TSPAN4: variants seen among roughly 807,000 people sequenced by gnomAD.
The protein encoded by TSPAN4 is tetraspanin-4.
Under a neutral mutation model 31.5 loss-of-function variants are expected in TSPAN4, and 38 were observed. The ratio of observed to expected loss-of-function variants is 1.21; its 90% CI spans 0.93 to 1.58. TSPAN4 has a LOEUF of 1.58. Ranked by LOEUF, TSPAN4 falls within the 40% of genes most tolerant of loss-of-function variation. The pLI is 0.00. For missense variants in TSPAN4, 330 were observed against 317.3 expected, an observed-to-expected ratio of 1.04 and a Z score of -0.30; for synonymous variants, 186 against 144.6, an observed-to-expected ratio of 1.29 and a Z score of -2.06.
intron 1 of TSPAN4, among the ~76,000 whole-genome samples, chr11:846,301 T>C (rs1590221171): frequency 6.6e-6 from 1 of 152,302 alleles, no homozygotes; most frequent in South Asian, 2.1e-4. Context: ...CCTCTTTGGG[T>C]TGGACCTCCG....
rs574521535 is a variant in TSPAN4, at chr11:865,815, G to A, written c.554G>A (p.Trp185Ter). Residue 185 changes from tryptophan (W) to a stop codon, truncating the protein, a stop_gained, in exon 7 of 9, where the codon TGG becomes TAG. Transcript: ENST00000397397. LOFTEE classifies it high-confidence loss of function. Reference sequence around the variant, plus strand: ...TGTGGGCTGCACGCCCCCGGCACCTGGTGGAAGGCGGTGAGTGAGACCCCC... The same window carrying A: ...TGTGGGCTGCACGCCCCCGGCACCTAGTGGAAGGCGGTGAGTGAGACCCCC... Reference protein sequence around the residue: ...ESCGLHAPGTWWKAPCYETVK... With the variant: ...ESCGLHAPGT 1 of 1,612,228 alleles carries A rather than the reference G, an allele frequency of 6.2e-7. No homozygotes were observed. The highest frequency in any genetic ancestry group is 8.5e-7 in the Non-Finnish European group (1 of 1,179,610).
chr11:850,460 G>T (rs1005286174), intron 3 of TSPAN4, 93 bp downstream of exon 3: 1 of 1,123,628 alleles, frequency 8.9e-7, no homozygotes. Flanking sequence ...TCGCTGCCCC[G>T]GCCAGGCGTT....
intron 2 of TSPAN4, among the ~76,000 whole-genome samples, chr11:847,826 G>A (rs935629168): frequency 5.9e-5 from 9 of 152,044 alleles, no homozygotes; most frequent in African/African-American, 1.7e-4. Context: ...CCTCCCACCC[G>A]CCTGGGACCC....
chr11:862,185 G>T (rs1248899529), intron 3 of TSPAN4: 2 of 231,490 alleles, frequency 8.6e-6, no homozygotes, highest in Admixed American at 1.1e-4. Context: ...CAGACCAGAC[G>T]GTGAAGCGGG....
At position 862,715 on chromosome 11, in the gene TSPAN4, AAGG is replaced by A. The variant is rs562370781; in HGVS notation, c.232_234del (p.Glu78del). 2.4e-3 allele frequency: 3,791 copies of A among 1,612,420 alleles called. 14 individuals carry two copies. Among genetic ancestry groups the A allele is most frequent in the Non-Finnish European group, 2.9e-3 (3,423 of 1,179,486 alleles). On this transcript the variant is annotated inframe_deletion, in exon 4 of 9. Transcript: ENST00000397397. ...CTTCGTGGGCTGCCTGGGTGCCATC[AAGG>A]AGAACAAGTGCCTCCTGCTCACTGT...
chr11:862,789 G>A (rs1333808832), intron 4 of TSPAN4, 48 bp downstream of exon 4: 4 of 1,534,998 alleles, frequency 2.6e-6, no homozygotes, highest in East Asian at 2.4e-5. Context: ...CACGCAGGGT[G>A]GGGCTCCGGT....
At chr11:863,334 C>T (rs1287967003) in intron 4 of TSPAN4, 7 of 152,284 alleles carry the variant, frequency 4.6e-5, no homozygotes, top group South Asian at 2.1e-4. Context: ...TGGCCGAGGC[C>T]GTGGGCCCTG....
At chr11:862,899 T>C (rs2134058932) in intron 4 of TSPAN4, 158 bp downstream of exon 4, 2 of 756,828 alleles carry the variant, frequency 2.6e-6, no homozygotes, top group East Asian at 2.8e-5. Flanking sequence ...CCCTGGCCAC[T>C]GTTGGGTCTT....
At chr11:861,572 C>T (rs1202999782) in intron 3 of TSPAN4, among the ~76,000 whole-genome samples, 3 of 152,064 alleles carry the variant, frequency 2.0e-5, no homozygotes, top group Admixed American at 6.5e-5. Flanking sequence ...ATTAGCTGGG[C>T]GTGGTGGCGG....
rs76376700 is a variant in TSPAN4, at chr11:856,206, G to T, written c.63+5839G>T. ...CGAGCCTCTTGGGTGGGTGCTGAGGGACGGCCCTCCAAGCCTTTTGGGCTC... is the reference window on the plus strand; with the variant it reads ...CGAGCCTCTTGGGTGGGTGCTGAGGTACGGCCCTCCAAGCCTTTTGGGCTC... On this transcript the variant is annotated intron_variant, in intron 3 of 8. Coordinates refer to ENST00000397397, the MANE Select transcript of TSPAN4 (RefSeq NM_003271.5). Among the ~76,000 whole-genome samples the T allele has an allele frequency of 4.6e-5, 7 of 151,676 alleles. No homozygotes were observed. The East Asian group carries it at 1.4e-3, about 30-fold the overall frequency.
At chr11:861,049 G>A (rs187812292) in intron 3 of TSPAN4, among the ~76,000 whole-genome samples, 6 of 152,296 alleles carry the variant, frequency 3.9e-5, no homozygotes, top group Admixed American at 1.3e-4. Flanking sequence ...GCCCAAGCCC[G>A]AGGCCTCTGT....
chr11:850,214 G>C, intron 2 of TSPAN4, 74 bp from the exon 3 acceptor site: 1 of 1,297,334 alleles, frequency 7.7e-7, no homozygotes, highest in Non-Finnish European at 1.1e-6. Flanking sequence ...AGGCGGCCCA[G>C]GCGCGCTACA....
rs766344742 is a variant in TSPAN4 at position 850,240 on chromosome 11, A to G, written c.-17-48A>G. 7 of 1,482,134 alleles carry G rather than the reference A, an allele frequency of 4.7e-6. No individual in the cohort carries two copies. The South Asian group carries it at 8.4e-5, about 18-fold the overall frequency. The allele number at this position is 1,482,134 out of a possible 1,614,324, so 91.8% of individuals were successfully genotyped here. A position where few individuals can be genotyped will look rare whatever the true frequency, so the allele number is the denominator to read the frequency against. On this transcript the variant is annotated intron_variant, in intron 2 of 8. Coordinates refer to ENST00000397397, the MANE Select transcript of TSPAN4 (RefSeq NM_003271.5). ...GCGCGCTACACGTCGCCCAAGGGCA[A>G]CAAGTACGTGGTTTTCTACCTGGAC...
intron 3 of TSPAN4, among the ~76,000 whole-genome samples, chr11:854,106 G>A (rs1418444632): frequency 2.0e-5 from 3 of 152,208 alleles, no homozygotes; most frequent in Non-Finnish European, 4.4e-5. Context: ...GAGAGGACGG[G>A]GCCTGCTCTT....
rs1033221474 is a variant in TSPAN4, at chr11:848,290, A to G, written c.-18+990A>G. On this transcript the variant is annotated intron_variant, in intron 2 of 8. Transcript: ENST00000397397. The surrounding 1 kb of genome is among the most constrained non-coding windows in gnomAD (Gnocchi z 5.7). ...CCCATTCCTGGGGCCCAGACCCACCAAAGAACCCCCAGGGGAAGGACAGGG... is the reference window on the plus strand; with the variant it reads ...CCCATTCCTGGGGCCCAGACCCACCGAAGAACCCCCAGGGGAAGGACAGGG... Among the ~76,000 whole-genome samples the G allele has an allele frequency of 1.1e-4, 16 of 152,112 alleles. No homozygotes were observed. The highest frequency in any genetic ancestry group is 3.3e-4 in the Admixed American group (5 of 15,290).
rs1392688821 is a variant in TSPAN4, at chr11:865,915, C to G, written c.565-3C>G. The G allele has an allele frequency of 5.6e-6, 9 of 1,613,194 alleles. No homozygotes were observed. The East Asian group carries it at 2.0e-4, about 36-fold the overall frequency. On this transcript the variant is annotated splice_region_variant and splice_polypyrimidine_tract_variant and intron_variant, in intron 7 of 8. Coordinates refer to ENST00000397397, the MANE Select transcript of TSPAN4 (RefSeq NM_003271.5). ...GTGACACGCATGACATCCCTCCCTG[C>G]AGCCGTGCTACGAGACGGTGAAGGT...
chr11:852,603 G>A (rs1024526872), intron 3 of TSPAN4, among the ~76,000 whole-genome samples: 2 of 152,172 alleles, frequency 1.3e-5, no homozygotes, highest in Non-Finnish European at 2.9e-5. Flanking sequence ...TGATGTCCAC[G>A]CCTGCTGTGC....
Position 855,945 on chromosome 11 carries a change from T to TGGGCTGA in TSPAN4, c.63+5587_63+5593dup, listed in dbSNP as rs1308233354. 1.3e-4 allele frequency among the ~76,000 whole-genome samples: 20 copies of TGGGCTGA among 152,226 alleles called. No individual in the cohort carries two copies. In the South Asian group the frequency reaches 3.9e-3, roughly 30 times the overall value. ...CAAAGCCGCATGGCCAGAGGGGCAGTGGGCTGAGGGCTGAGAGCTGGCCAG... is the reference window on the plus strand; with the variant it reads ...CAAAGCCGCATGGCCAGAGGGGCAGTGGGCTGAGGGCTGAGGGCTGAGAGCTGGCCAG... On this transcript the variant is annotated intron_variant, in intron 3 of 8. Coordinates refer to ENST00000397397, the MANE Select transcript of TSPAN4 (RefSeq NM_003271.5).
intron 8 of TSPAN4, among the ~76,000 whole-genome samples, chr11:866,263 G>A (rs564111072): frequency 6.6e-6 from 1 of 152,228 alleles, no homozygotes; most frequent in Non-Finnish European, 1.5e-5. Flanking sequence ...ACTGGCCAGT[G>A]CACAGAGGGT....
Sources: allele counts gnomAD v4.1 joint callset (sites outside exome capture counted in the v4.1 genomes callset), GRCh38; gene constraint gnomAD v4.1.1; non-coding constraint Gnocchi (gnomAD v3.1); transcripts MANE v1.5; gene names NCBI Gene and HGNC (gene_info 2026-07-23, HGNC 2026-07-21).